The following REPS2 variants were observed in gnomAD, a reference collection of about 807,000 sequenced individuals.
The protein encoded by REPS2 is ralBP1-associated Eps domain-containing protein 2.
In REPS2, 23 loss-of-function variants were observed where a neutral mutation model predicts 53.6. That is an observed-to-expected ratio of 0.43 (90% CI 0.31 to 0.61). The LOEUF is 0.61. Among genes scored for constraint, REPS2 ranks in the 20% least tolerant of loss-of-function variants. The probability of loss-of-function intolerance (pLI) is 0.11; values close to 1 mark genes in which losing one functional copy is unlikely to be tolerated. For missense variants in REPS2, 446 were observed against 534.9 expected (o/e 0.83, Z 1.64); for synonymous variants, 238 against 218.6 (o/e 1.09, Z -0.78).
At chrX:17,158,182 G>A (rs777241104), downstream of REPS2, among the ~76,000 whole-genome samples, 4 of 112,203 alleles carry the variant, frequency 3.6e-5, no homozygotes, top group South Asian at 3.7e-4. Context: ...CTGGAAGAAC[G>A]AACTTGGATT....
At chrX:17,063,237 T>G (rs1319735905) in intron 9 of REPS2, among the ~76,000 whole-genome samples, 2 of 112,011 alleles carry the variant, frequency 1.8e-5, no homozygotes, top group African/African-American at 3.2e-5. Flanking sequence ...GCTTTTCCCT[T>G]CCTTAAAAGA....
At chrX:17,075,452 A>G (rs1405150469) in intron 12 of REPS2, among the ~76,000 whole-genome samples, 2 of 112,356 alleles carry the variant, frequency 1.8e-5, no homozygotes, top group Non-Finnish European at 3.8e-5. Flanking sequence ...CTTTTGGTCT[A>G]ATTTGGAGGA....
the REPS2 span, among the ~76,000 whole-genome samples, chrX:17,179,008 C>T: frequency 4.5e-5 from 5 of 111,944 alleles, no homozygotes; most frequent in Non-Finnish European, 9.4e-5. Context: ...CAAATCCAAC[C>T]CTAAGAGATG....
At chrX:16,956,920 A>G (rs550420149) in intron 1 of REPS2, among the ~76,000 whole-genome samples, 1 of 112,691 alleles carries the variant, frequency 8.9e-6, no homozygotes, top group African/African-American at 3.2e-5. Context: ...AATACCATTC[A>G]GAACCAGGAG....
At chrX:17,122,499 C>T (rs1484424102) in intron 14 of REPS2, among the ~76,000 whole-genome samples, 1 of 112,142 alleles carries the variant, frequency 8.9e-6, no homozygotes, top group Non-Finnish European at 1.9e-5. Context: ...TGTGAACACT[C>T]GTATCCAAGT....
chrX:17,058,511 T>C (rs1168509053), intron 8 of REPS2, among the ~76,000 whole-genome samples: 1 of 109,260 alleles, frequency 9.2e-6, no homozygotes, highest in Non-Finnish European at 1.9e-5. Context: ...AGCCCTGAGC[T>C]AAAAGTATGT....
intron 13 of REPS2, 81 bp from the exon 14 acceptor site, chrX:17,103,637 A>G (rs2148060033): frequency 1.1e-6 from 1 of 941,454 alleles, no homozygotes; most frequent in Non-Finnish European, 1.5e-6. Flanking sequence ...TGCCATTGCC[A>G]TTCCAAGTTA....
chrX:17,022,045 G>T, intron 2 of REPS2, 78 bp from the exon 3 acceptor site: 1 of 904,244 alleles, frequency 1.1e-6, no homozygotes, highest in Non-Finnish European at 1.5e-6. Context: ...ATGATTCATC[G>T]TTTGGCCATT....
chrX:17,053,317 G>A (rs1473759181), intron 7 of REPS2, among the ~76,000 whole-genome samples: 1 of 110,882 alleles, frequency 9.0e-6, no homozygotes, highest in African/African-American at 3.3e-5. Context: ...TATATACTCT[G>A]GCATAATTTT....
At chrX:16,950,978 C>A (rs1261612629) in intron 1 of REPS2, among the ~76,000 whole-genome samples, 1 of 111,894 alleles carries the variant, frequency 8.9e-6, no homozygotes, top group Non-Finnish European at 1.9e-5. Context: ...CCCAGGAGTT[C>A]AAGGTTATAG....
At chrX:17,181,467 ACC>A in the REPS2 span, among the ~76,000 whole-genome samples, 1 of 112,074 alleles carries the variant, frequency 8.9e-6, no homozygotes, top group South Asian at 3.8e-4. Context: ...CCACTATGTG[ACC>A]AAGCCTGGGC....
intron 1 of REPS2, chrX:16,978,555 A>C: frequency 1.3e-6 from 1 of 750,071 alleles, no homozygotes; most frequent in Non-Finnish European, 1.6e-6. Flanking sequence ...GGATGCTCTG[A>C]GCTCTAAAAG....
intron 1 of REPS2, among the ~76,000 whole-genome samples, chrX:16,990,997 G>A (rs770932322): frequency 9.0e-6 from 1 of 110,639 alleles, no homozygotes; most frequent in South Asian, 3.9e-4. Flanking sequence ...GAGCCACGTG[G>A]GTCCATGTGA....
chrX:16,998,140 G>A (rs779903983), intron 1 of REPS2, among the ~76,000 whole-genome samples: 20 of 111,876 alleles, frequency 1.8e-4, no homozygotes, highest in Admixed American at 1.7e-3. Flanking sequence ...CCAGCTATTT[G>A]CAGAGGGCTG....
Position 17,138,167 on chromosome X carries a change from T to C in REPS2, c.1809-689T>C, listed in dbSNP as rs1022919246. On this transcript the variant is annotated intron_variant, in intron 16 of 17. Coordinates refer to ENST00000357277, the MANE Select transcript of REPS2 (RefSeq NM_004726.3). ...AAAGAGAGTGCTAATGTACTTATGC[T>C]GGACAGACAGTTTTAAATGGAGACT... 7 of 112,695 alleles carry C rather than the reference T, an allele frequency of 6.2e-5. No homozygotes were observed. In the East Asian group the frequency reaches 1.9e-3, roughly 31 times the overall value. The allele number at this position is 112,695 out of a possible 1,213,427, so 9.3% of individuals were successfully genotyped here. A position where few individuals can be genotyped will look rare whatever the true frequency, so the allele number is the denominator to read the frequency against.
Position 17,074,097 on chromosome X carries a change from C to G in REPS2, c.1334-17C>G. ...TTTAACTGCAGAAATGAAACCCAAG[C>G]AATATCTTTGTTTCAGCAACTCCCA... On this transcript the variant is annotated splice_polypyrimidine_tract_variant and intron_variant, in intron 11 of 17. Transcript: ENST00000357277. 8.3e-7 allele frequency: 1 copy of G among 1,205,288 alleles called. No individual in the cohort carries two copies. The highest frequency in any genetic ancestry group is 1.1e-6 in the Non-Finnish European group (1 of 890,416).
intron 10 of REPS2, among the ~76,000 whole-genome samples, chrX:17,068,843 T>C (rs2062262881): frequency 1.8e-5 from 2 of 112,938 alleles, no homozygotes; most frequent in Non-Finnish European, 3.7e-5. Context: ...CATACAGCTC[T>C]AATCCATGAG....
chrX:17,111,045 G>A (rs1466794824), intron 14 of REPS2, among the ~76,000 whole-genome samples: 3 of 111,708 alleles, frequency 2.7e-5, no homozygotes, highest in Non-Finnish European at 5.6e-5. Context: ...GGGTTTTGGA[G>A]CATTTTGGAT....
chrX:16,973,188 A>G (rs1353082569), intron 1 of REPS2, among the ~76,000 whole-genome samples: 1 of 112,141 alleles, frequency 8.9e-6, no homozygotes, highest in Non-Finnish European at 1.9e-5. Context: ...TCAGTGTATC[A>G]TATCAAGGAG....
Sources: allele counts gnomAD v4.1 joint callset (sites outside exome capture counted in the v4.1 genomes callset), GRCh38; gene constraint gnomAD v4.1.1; transcripts MANE v1.5; gene names NCBI Gene and HGNC (gene_info 2026-07-23, HGNC 2026-07-21).